The following PRKCE variants were observed in gnomAD, a reference collection of about 807,000 sequenced individuals.
PRKCE encodes protein kinase C epsilon.
In PRKCE, 16 loss-of-function variants were observed where a neutral mutation model predicts 85.4. That is an observed-to-expected ratio of 0.19 (90% confidence interval 0.13 to 0.28). The LOEUF (loss-of-function observed/expected upper bound fraction) is 0.28. PRKCE is among the 10% of genes least tolerant of loss of function. The pLI, the probability that PRKCE is intolerant of heterozygous loss-of-function variation, is 1.00. For synonymous variants in PRKCE, 388 were observed against 371.5 expected (o/e 1.04, Z -0.51); for missense variants, 573 against 975.2 (o/e 0.59, Z 5.49).
chr2:45,920,087 CT>C (rs1558835250), intron 2 of PRKCE, among the ~76,000 whole-genome samples: 1 of 152,230 alleles, frequency 6.6e-6, no homozygotes, highest in Non-Finnish European at 1.5e-5. Flanking sequence ...ACCCATCACC[CT>C]AGATCTCCAG....
At chr2:45,783,701 T>A (rs1686370946) in intron 1 of PRKCE, among the ~76,000 whole-genome samples, 1 of 152,216 alleles carries the variant, frequency 6.6e-6, no homozygotes, top group East Asian at 1.9e-4. Flanking sequence ...GATGAGGGGA[T>A]GTTCAGTATC....
At chr2:45,707,679 G>A (rs986308977) in intron 1 of PRKCE, among the ~76,000 whole-genome samples, 3 of 152,298 alleles carry the variant, frequency 2.0e-5, no homozygotes, top group Admixed American at 6.5e-5. Context: ...ACTGGGGGAG[G>A]GAGAACATTT....
At chr2:45,879,967 C>T (rs1465055692) in intron 2 of PRKCE, among the ~76,000 whole-genome samples, 1 of 152,186 alleles carries the variant, frequency 6.6e-6, no homozygotes, top group Non-Finnish European at 1.5e-5. Context: ...AGAATTTACT[C>T]CTCTAACCTA....
intron 1 of PRKCE, among the ~76,000 whole-genome samples, chr2:45,839,036 C>T (rs1466073097): frequency 2.0e-5 from 3 of 152,054 alleles, no homozygotes; most frequent in Non-Finnish European, 4.4e-5. Context: ...CAGGCTGAGG[C>T]ATACAGAGGG....
rs560680074 is a variant in PRKCE, at chr2:45,982,227, T to TGAA, written c.693+1846_693+1847insGAA. ...GCCCCTCAGGGTGATGGGCTTGCCC[T>TGAA]CTGCCGGGTTACTGAACTGCTGGGG... On this transcript the variant is annotated intron_variant, in intron 5 of 14. Coordinates refer to ENST00000306156, the MANE Select transcript of PRKCE (RefSeq NM_005400.3). Among the ~76,000 whole-genome samples, 159 of 152,328 alleles carry TGAA rather than the reference T, an allele frequency of 1.0e-3. 1 individual carries two copies. The highest frequency in any genetic ancestry group is 1.9e-3 in the Non-Finnish European group (126 of 68,032).
chr2:46,119,901 T>G (rs886583666), intron 11 of PRKCE, among the ~76,000 whole-genome samples: 9 of 152,208 alleles, frequency 5.9e-5, no homozygotes, highest in African/African-American at 2.2e-4. Flanking sequence ...TAATGTGTCT[T>G]TTAAAATGTC....
At position 46,010,406 on chromosome 2, in the gene PRKCE, C is replaced by A; in HGVS notation, c.1326C>A (p.Asp442Glu). The stretch of plus-strand genomic sequence containing the variant: ...ATGCTGTGAAGGTCTTAAAGAAGGA[C>A]GTCATCCTTCAGGATGATGACGTGG... ...EVYAVKVLKK[D>E]VILQDDDVDC... The change falls in exon 10 of 15, where the codon GAC (aspartate) becomes GAA (glutamate). Residue 442 changes from aspartate to glutamate, a missense_variant. Asp to Glu is a conservative substitution (Grantham distance 45). Coordinates refer to ENST00000306156, the MANE Select transcript of PRKCE (RefSeq NM_005400.3). The A allele has an allele frequency of 6.3e-7, 1 of 1,599,616 alleles. No individual in the cohort carries two copies. The highest frequency in any genetic ancestry group is 8.5e-7 in the Non-Finnish European group (1 of 1,179,916).
intron 2 of PRKCE, among the ~76,000 whole-genome samples, chr2:45,897,910 A>G (rs1302223598): frequency 6.6e-6 from 1 of 152,200 alleles, no homozygotes; most frequent in Admixed American, 6.5e-5. Flanking sequence ...CACCCGGATA[A>G]ACTGCTGGTA....
chr2:45,925,870 G>A (rs1261724126), intron 2 of PRKCE, among the ~76,000 whole-genome samples: 1 of 152,246 alleles, frequency 6.6e-6, no homozygotes, highest in Non-Finnish European at 1.5e-5. Flanking sequence ...GGACTCAAAG[G>A]TTTTGCATAA....
At chr2:45,688,836 T>A (rs1346682676) in intron 1 of PRKCE, among the ~76,000 whole-genome samples, 1 of 152,264 alleles carries the variant, frequency 6.6e-6, no homozygotes, top group Non-Finnish European at 1.5e-5. Context: ...AAGTGCTCCT[T>A]GTCCTTGGAT....
chr2:45,872,921 A>G (rs1186589197), intron 2 of PRKCE, among the ~76,000 whole-genome samples: 1 of 152,218 alleles, frequency 6.6e-6, no homozygotes, highest in African/African-American at 2.4e-5. Flanking sequence ...CTGTGTGCTC[A>G]AGGAGAGCAT....
chr2:45,726,815 G>A (rs372522621), intron 1 of PRKCE, among the ~76,000 whole-genome samples: 1 of 152,256 alleles, frequency 6.6e-6, no homozygotes, highest in African/African-American at 2.4e-5. Flanking sequence ...TTTCCTAGGT[G>A]ACATAGAGGG....
intron 11 of PRKCE, among the ~76,000 whole-genome samples, chr2:46,135,306 T>TGGA (rs1483962138): frequency 1.3e-5 from 2 of 152,216 alleles, no homozygotes; most frequent in Admixed American, 6.5e-5. Context: ...GGCGGGCGTG[T>TGGA]GGACACGATG....
intron 11 of PRKCE, among the ~76,000 whole-genome samples, chr2:46,101,345 T>G (rs922110027): frequency 6.6e-6 from 1 of 152,096 alleles, no homozygotes; most frequent in African/African-American, 2.4e-5. Context: ...TTAGAAAAAG[T>G]CAAGGAAGGC....
At chr2:46,091,636 A>G (rs1670178516) in intron 11 of PRKCE, among the ~76,000 whole-genome samples, 1 of 152,232 alleles carries the variant, frequency 6.6e-6, no homozygotes, top group Non-Finnish European at 1.5e-5. Flanking sequence ...ATCCTCATCA[A>G]TAAAGTAGGG....
At chr2:45,784,633 TG>T (rs1422619485) in intron 1 of PRKCE, among the ~76,000 whole-genome samples, 2 of 152,224 alleles carry the variant, frequency 1.3e-5, no homozygotes, top group East Asian at 1.9e-4. Context: ...CCTAGCTTTT[TG>T]TTTTTTTTTA....
At chr2:45,868,342 A>C (rs1041297571) in intron 2 of PRKCE, among the ~76,000 whole-genome samples, 1 of 148,054 alleles carries the variant, frequency 6.8e-6, no homozygotes, top group Non-Finnish European at 1.5e-5. Flanking sequence ...AAAAAAAAAA[A>C]CTTTTTAGGG....
intron 5 of PRKCE, among the ~76,000 whole-genome samples, chr2:45,981,935 AG>A (rs1156614252): frequency 6.6e-6 from 1 of 152,214 alleles, no homozygotes; most frequent in Non-Finnish European, 1.5e-5. Context: ...TGCAGGTTAA[AG>A]GGTTGAGATT....
chr2:46,144,619 C>T (rs1227394696), intron 11 of PRKCE, among the ~76,000 whole-genome samples: 1 of 152,190 alleles, frequency 6.6e-6, no homozygotes, highest in African/African-American at 2.4e-5. Context: ...CTCTGATGCA[C>T]ATTAGCTCTC....
Sources: allele counts gnomAD v4.1 joint callset (sites outside exome capture counted in the v4.1 genomes callset), GRCh38; gene constraint gnomAD v4.1.1; transcripts MANE v1.5; gene names NCBI Gene and HGNC (gene_info 2026-07-23, HGNC 2026-07-21).